MOK: variants seen among roughly 807,000 people sequenced by gnomAD.
MOK encodes the protein MOK protein kinase, also known as MAPK/MAK/MRK overlapping kinase.
In MOK, 59 loss-of-function variants were observed where a neutral mutation model predicts 54.2. The ratio of observed to expected loss-of-function variants is 1.09; its 90% CI spans 0.88 to 1.35. The LOEUF is 1.35. Among genes scored for constraint, MOK ranks in the 40% most tolerant of loss-of-function variants. The pLI, the probability that MOK is intolerant of heterozygous loss-of-function variation, is 0.00. For missense variants in MOK, 517 were observed against 526.2 expected, an observed-to-expected ratio of 0.98 and a Z score of 0.17; for synonymous variants, 210 against 202.7, an observed-to-expected ratio of 1.04 and a Z score of -0.31.
chr14:102,244,850 G>A (rs1306533813), intron 7 of MOK, among the ~76,000 whole-genome samples: 2 of 152,012 alleles, frequency 1.3e-5, no homozygotes, highest in African/African-American at 4.8e-5. Flanking sequence ...GGTATTCAGT[G>A]GAACCTTCAT....
chr14:102,221,288 G>A (rs886946462), downstream of MOK, among the ~76,000 whole-genome samples: 8 of 152,208 alleles, frequency 5.3e-5, no homozygotes, highest in Non-Finnish European at 1.2e-4. This position sits in a 1 kb window ranked among gnomAD's most constrained non-coding sequence, Gnocchi z 4.8. Context: ...TTCTGTTGCC[G>A]GGGGGAAGGG....
At chr14:102,226,049 C>T (rs2064226780), downstream of MOK, 1 of 485,656 alleles carries the variant, frequency 2.1e-6, no homozygotes, top group East Asian at 3.9e-5. The surrounding 1 kb of genome is among the most constrained non-coding windows in gnomAD (Gnocchi z 4.8). Context: ...GCTGGCTGCA[C>T]CGCAGGTGTG....
intron 1 of MOK, among the ~76,000 whole-genome samples, chr14:102,296,864 C>G (rs1048823518): frequency 6.6e-6 from 1 of 151,866 alleles, no homozygotes; most frequent in Admixed American, 6.6e-5. Context: ...TCGAGACAAG[C>G]CTGGCCAATA....
intron 4 of MOK, among the ~76,000 whole-genome samples, chr14:102,262,749 T>C (rs2067580664): frequency 6.6e-6 from 1 of 152,242 alleles, no homozygotes; most frequent in Non-Finnish European, 1.5e-5. Flanking sequence ...CTAAATCATC[T>C]ATGATGCTGT....
At chr14:102,276,791 C>CAAAA (rs34807608) in intron 2 of MOK, among the ~76,000 whole-genome samples, 3 of 100,944 alleles carry the variant, frequency 3.0e-5, no homozygotes, top group African/African-American at 9.2e-5. Context: ...AACTCCGTCT[C>CAAAA]AAAAAAAAAA....
chr14:102,228,517 G>C (rs1000863929), downstream of MOK, among the ~76,000 whole-genome samples: 1 of 152,046 alleles, frequency 6.6e-6, no homozygotes, highest in African/African-American at 2.4e-5. Context: ...GACCAACATG[G>C]AGAAACCCCG....
intron 7 of MOK, among the ~76,000 whole-genome samples, chr14:102,241,270 A>T (rs1223222921): frequency 1.3e-5 from 2 of 151,972 alleles, no homozygotes; most frequent in Non-Finnish European, 2.9e-5. Flanking sequence ...CTTCCTCCCC[A>T]GGCTAATCCT....
chr14:102,292,785 T>C (rs138138848), intron 1 of MOK, among the ~76,000 whole-genome samples: 17 of 152,152 alleles, frequency 1.1e-4, no homozygotes, highest in African/African-American at 3.6e-4. Flanking sequence ...GGGAATTAAA[T>C]ATTATTTTAG....
At chr14:102,233,601 T>A (rs915282945) in intron 8 of MOK, 87 bp downstream of exon 8, 1 of 1,184,824 alleles carries the variant, frequency 8.4e-7, no homozygotes, top group African/African-American at 1.5e-5. Context: ...TGAGAGGGGT[T>A]TGAGGGAGGC....
chr14:102,257,267 T>C (rs1400422135), intron 4 of MOK, among the ~76,000 whole-genome samples: 1 of 152,066 alleles, frequency 6.6e-6, no homozygotes, highest in African/African-American at 2.4e-5. Flanking sequence ...TCTGACGGCA[T>C]GGATCACGGC....
At chr14:102,222,478 G>C (rs77124771), downstream of MOK, among the ~76,000 whole-genome samples, 100 of 152,318 alleles carry the variant, frequency 6.6e-4, no homozygotes, top group African/African-American at 2.3e-3. This position sits in a 1 kb window ranked among gnomAD's most constrained non-coding sequence, Gnocchi z 4.4. Context: ...TGAAGGCGCT[G>C]AACACCTCCC....
In MOK at chr14:102,232,196, T is replaced by C. The variant is rs1476110370; in HGVS notation, c.866+339A>G. ...GCGCCAGGTGACATCCACAGTGCTC[T>C]ACCATCTCAGAATGCATCCTGTTCA... On this transcript the variant is annotated intron_variant, in intron 9 of 11. Coordinates refer to ENST00000361847, the MANE Select transcript of MOK (RefSeq NM_014226.3). The surrounding 1 kb of genome is among the most constrained non-coding windows in gnomAD (Gnocchi z 5.1). 5.8e-6 allele frequency: 2 copies of C among 343,786 alleles called. No homozygotes were observed. Among genetic ancestry groups the C allele is most frequent in the Non-Finnish European group, 1.0e-5 (2 of 190,568 alleles). The allele number at this position is 343,786 out of a possible 1,614,324, so 21.3% of individuals were successfully genotyped here.
chr14:102,268,483 T>C (rs1281370976), intron 2 of MOK, among the ~76,000 whole-genome samples: 2 of 152,180 alleles, frequency 1.3e-5, no homozygotes, highest in Admixed American at 6.5e-5. Context: ...ATTGTTCTGT[T>C]GGAAACAAAA....
intron 2 of MOK, among the ~76,000 whole-genome samples, chr14:102,276,271 T>C (rs1039277884): frequency 1.3e-5 from 2 of 150,566 alleles, no homozygotes; most frequent in African/African-American, 4.9e-5. Context: ...GATCACAAGG[T>C]CAGGAGATGG....
rs1169335276 is a variant in MOK at position 102,245,362 on chromosome 14, T to C, written c.590+5450A>G. 6.6e-6 allele frequency among the ~76,000 whole-genome samples: 1 copy of C among 151,634 alleles called. No individual in the cohort carries two copies. Among genetic ancestry groups the C allele is most frequent in the Non-Finnish European group, 1.5e-5 (1 of 67,952 alleles). ...TTTCACTGCCCCAACACTTCAATAC[T>C]ATTTTATGTTATTTTTCTTATTAAT... is the stretch of plus-strand genomic sequence containing the variant. On this transcript the variant is annotated intron_variant, in intron 7 of 11. Transcript: ENST00000361847. The surrounding 1 kb of genome is among the most constrained non-coding windows in gnomAD (Gnocchi z 4.3).
rs112937366 is a variant in MOK, at chr14:102,237,230, A to G, written c.591-3441T>C. 2.6e-3 allele frequency among the ~76,000 whole-genome samples: 389 copies of G among 152,294 alleles called. 2 individuals carry two copies. Among genetic ancestry groups the G allele is most frequent in the African/African-American group, 7.7e-3 (322 of 41,558 alleles). On this transcript the variant is annotated intron_variant, in intron 7 of 11. Transcript: ENST00000361847. ...ACCTTTTCCCTAGCCGTCTCCTTCA[A>G]TACGTGGACAATCTTCTCCTTTGCA...
intron 4 of MOK, among the ~76,000 whole-genome samples, chr14:102,261,220 A>G (rs921982090): frequency 7.1e-6 from 1 of 140,488 alleles, no homozygotes; most frequent in Non-Finnish European, 1.5e-5. Context: ...GCACCATTGC[A>G]CTCCAGCCTG....
At chr14:102,281,642 G>T (rs2069454267) in intron 2 of MOK, among the ~76,000 whole-genome samples, 1 of 151,018 alleles carries the variant, frequency 6.6e-6, no homozygotes. Flanking sequence ...ATGGGGTCTT[G>T]CTATGTTGCC....
chr14:102,291,852 G>A (rs147958178), intron 1 of MOK, among the ~76,000 whole-genome samples: 2,840 of 151,964 alleles, frequency 0.019, 55 homozygotes, highest in South Asian at 0.096. Context: ...CAGCTACTTG[G>A]GAGGCTGAGA....
Sources: allele counts gnomAD v4.1 joint callset (sites outside exome capture counted in the v4.1 genomes callset), GRCh38; gene constraint gnomAD v4.1.1; non-coding constraint Gnocchi (gnomAD v3.1); transcripts MANE v1.5; gene names NCBI Gene and HGNC (gene_info 2026-07-23, HGNC 2026-07-21).